The following FAM178B variants were observed in gnomAD, a reference collection of about 807,000 sequenced individuals.
The protein encoded by FAM178B is family with sequence similarity 178 member B, also known as protein FAM178B.
FAM178B carries 82 observed loss-of-function variants against 91.7 expected under a neutral mutation model. The observed-to-expected ratio is 0.89, with a 90% CI of 0.75 to 1.07. FAM178B has a LOEUF of 1.07. Among genes scored for constraint, FAM178B ranks in the 50% least tolerant of loss-of-function variants. FAM178B has a pLI of 0.00. For missense variants in FAM178B, 769 were observed against 846.7 expected (o/e 0.91, Z 1.14); for synonymous variants, 368 against 359.4 (o/e 1.02, Z -0.27).
At chr2:96,962,461 G>GAAA in intron 5 of FAM178B, among the ~76,000 whole-genome samples, 1 of 118,278 alleles carries the variant, frequency 8.5e-6, no homozygotes, top group East Asian at 2.3e-4. Context: ...AAGAAAGAAA[G>GAAA]AAAAAAAAGC....
At chr2:96,907,910 C>T (rs1371427904) in intron 12 of FAM178B, among the ~76,000 whole-genome samples, 1 of 152,238 alleles carries the variant, frequency 6.6e-6, no homozygotes, top group Admixed American at 6.5e-5. Context: ...GCATGAGCTG[C>T]CTTTTCCAGT....
chr2:96,962,981 C>G (rs564899838), intron 5 of FAM178B, among the ~76,000 whole-genome samples: 40 of 152,304 alleles, frequency 2.6e-4, no homozygotes, highest in Admixed American at 2.0e-3. Flanking sequence ...GCTGAACAGT[C>G]CCATCCAGAT....
chr2:96,918,979 C>T (rs1327662390), intron 12 of FAM178B, among the ~76,000 whole-genome samples: 9 of 152,204 alleles, frequency 5.9e-5, no homozygotes, highest in Admixed American at 3.9e-4. Flanking sequence ...CCCTCTCACG[C>T]GGGCTCTCTT....
chr2:96,911,330 C>A (rs1348279605), intron 12 of FAM178B, among the ~76,000 whole-genome samples: 1 of 152,162 alleles, frequency 6.6e-6, no homozygotes, highest in African/African-American at 2.4e-5. Flanking sequence ...GAGATGTGAA[C>A]CAGGCAGAGG....
At chr2:96,878,947 A>ATGGG (rs1314072245) in intron 14 of FAM178B, among the ~76,000 whole-genome samples, 1 of 152,104 alleles carries the variant, frequency 6.6e-6, no homozygotes, top group Non-Finnish European at 1.5e-5. Context: ...AGATGGAGAG[A>ATGGG]TGGGAGCCGA....
intron 8 of FAM178B, among the ~76,000 whole-genome samples, chr2:96,945,687 G>A (rs1188934372): frequency 2.0e-5 from 3 of 152,192 alleles, no homozygotes; most frequent in South Asian, 2.1e-4. Flanking sequence ...CTGAGGAAAT[G>A]ACTTCCTTCT....
At chr2:96,878,725 C>T (rs1291548963) in intron 14 of FAM178B, among the ~76,000 whole-genome samples, 1 of 152,238 alleles carries the variant, frequency 6.6e-6, no homozygotes. Flanking sequence ...CACTCCCAGC[C>T]TGCCCTCTGA....
intron 10 of FAM178B, among the ~76,000 whole-genome samples, chr2:96,922,075 C>T (rs539738765): frequency 1.6e-4 from 25 of 152,194 alleles, no homozygotes; most frequent in Admixed American, 1.0e-3. Flanking sequence ...GATCTCTGGT[C>T]GGCCTCACTG....
intron 12 of FAM178B, among the ~76,000 whole-genome samples, chr2:96,918,737 G>A (rs1193705233): frequency 6.6e-6 from 1 of 152,156 alleles, no homozygotes; most frequent in African/African-American, 2.4e-5. Context: ...CAAAGAAAAA[G>A]TAGGAGTTAA....
chr2:96,958,535 C>A (rs1187719346), intron 6 of FAM178B, among the ~76,000 whole-genome samples: 1 of 151,044 alleles, frequency 6.6e-6, no homozygotes, highest in Non-Finnish European at 1.5e-5. Context: ...CAAAAAAATA[C>A]AAAAATTAAC....
rs780915745 is a variant in FAM178B at position 96,960,336 on chromosome 2, T to G, written c.839A>C (p.Asp280Ala). 1.3e-6 allele frequency: 2 copies of G among 1,551,192 alleles called. No homozygotes were observed. Among genetic ancestry groups the G allele is most frequent in the African/African-American group, 1.4e-5 (1 of 72,872 alleles). Residue 280 changes from aspartate to alanine, a missense_variant, in exon 6 of 17, where the codon GAC (aspartate) becomes GCC (alanine). Coordinates refer to ENST00000490605, the MANE Select transcript of FAM178B (RefSeq NM_001122646.3). ...GCTGCGTGGCTTCAGGAGTGAGGAGTCCAGGATGCATGGCAGGGGGTGACA... is the reference window on the plus strand; with the variant it reads ...GCTGCGTGGCTTCAGGAGTGAGGAGGCCAGGATGCATGGCAGGGGGTGACA... ...PRCHPLPCILDSSLLKPRSHL... is the reference protein window; with the variant it reads ...PRCHPLPCILASSLLKPRSHL...
At chr2:96,879,176 A>G (rs2153367071) in intron 14 of FAM178B, among the ~76,000 whole-genome samples, 1 of 152,288 alleles carries the variant, frequency 6.6e-6, no homozygotes, top group Middle Eastern at 3.4e-3. Context: ...GTGAGGCTCC[A>G]GAAGGGATGC....
intron 14 of FAM178B, among the ~76,000 whole-genome samples, chr2:96,884,333 C>T (rs552628302): frequency 6.6e-6 from 1 of 152,328 alleles, no homozygotes; most frequent in South Asian, 2.1e-4. Flanking sequence ...GGTGGGGTCT[C>T]TAAAGAGGAT....
intron 14 of FAM178B, among the ~76,000 whole-genome samples, chr2:96,883,056 C>T (rs776036829): frequency 3.3e-5 from 5 of 152,212 alleles, no homozygotes; most frequent in Non-Finnish European, 5.9e-5. Flanking sequence ...TGCAGGAATG[C>T]CTCACTCCTG....
intron 4 of FAM178B, 47 bp from the exon 5 acceptor site, chr2:96,967,674 T>C: frequency 7.6e-7 from 1 of 1,320,322 alleles, no homozygotes; most frequent in Non-Finnish European, 1.1e-6. Context: ...TTGTTCCCCA[T>C]CGTGCAACCC....
chr2:96,944,241 CAAAAAAA>C, intron 8 of FAM178B, among the ~76,000 whole-genome samples: 1 of 56,960 alleles, frequency 1.8e-5, no homozygotes, highest in East Asian at 5.7e-4. Context: ...GACTCCATCT[CAAAAAAA>C]AAAAAAAAAA....
intron 6 of FAM178B, chr2:96,956,926 C>A (rs575433339): frequency 6.6e-6 from 1 of 152,374 alleles, no homozygotes; most frequent in Non-Finnish European, 1.5e-5. Flanking sequence ...GGCATGATCA[C>A]GGCTCACTGC....
chr2:96,983,941 T>C (rs2082393059), intron 1 of FAM178B, among the ~76,000 whole-genome samples: 1 of 152,216 alleles, frequency 6.6e-6, no homozygotes, highest in African/African-American at 2.4e-5. Flanking sequence ...ATTTGAGTTA[T>C]TTCTTGTTTC....
At chr2:96,934,591 C>A (rs2081594224) in intron 8 of FAM178B, among the ~76,000 whole-genome samples, 1 of 152,176 alleles carries the variant, frequency 6.6e-6, no homozygotes, top group Non-Finnish European at 1.5e-5. Context: ...CATTTTGTTG[C>A]CCCGATGACA....
Sources: allele counts gnomAD v4.1 joint callset (sites outside exome capture counted in the v4.1 genomes callset), GRCh38; gene constraint gnomAD v4.1.1; transcripts MANE v1.5; gene names NCBI Gene and HGNC (gene_info 2026-07-23, HGNC 2026-07-21).